The following RYR3 variants were observed in gnomAD, a reference collection of about 807,000 sequenced individuals.
RYR3 encodes the protein ryanodine receptor 3, also known as brain ryanodine receptor-calcium release channel.
RYR3 carries 207 observed loss-of-function variants against 584.3 expected under a neutral mutation model. The ratio of observed to expected loss-of-function variants is 0.35; its 90% CI spans 0.32 to 0.40. The LOEUF (loss-of-function observed/expected upper bound fraction) is 0.40, where lower values mean the gene tolerates loss of function less well. Ranked by LOEUF, RYR3 falls within the 10% of genes least tolerant of loss-of-function variation. The probability of loss-of-function intolerance (pLI) is 1.00; values close to 1 mark genes in which losing one functional copy is unlikely to be tolerated. For missense variants in RYR3, 5,616 were observed against 6,089.2 expected, an observed-to-expected ratio of 0.92 and a Z score of 2.59; for synonymous variants, 2,416 against 2,248.5, an observed-to-expected ratio of 1.07 and a Z score of -2.11.
chr15:33,572,843 G>A (rs1268426918), intron 12 of RYR3, among the ~76,000 whole-genome samples: 1 of 151,932 alleles, frequency 6.6e-6, no homozygotes, highest in African/African-American at 2.4e-5. Context: ...GCATAGTGGC[G>A]CATGCCTGTA....
In RYR3 at chr15:33,854,403, A is replaced by G. The variant is rs1466702657; in HGVS notation, c.13814A>G (p.Asp4605Gly). 4 of 1,574,366 alleles carry G rather than the reference A, an allele frequency of 2.5e-6. No homozygotes were observed. The highest frequency in any genetic ancestry group is 1.2e-5 in the South Asian group (1 of 85,790). ...TTCTTCTCTAGGCTAAGTTCCATAGACATGAAGTACCATATCTGGAAGCTT... is the reference window on the plus strand; with the variant it reads ...TTCTTCTCTAGGCTAAGTTCCATAGGCATGAAGTACCATATCTGGAAGCTT... Reference protein sequence around the residue: ...ASLVSWLSSIDMKYHIWKLGV... With the variant: ...ASLVSWLSSIGMKYHIWKLGV... The change falls in exon 97 of 104, where the codon GAC becomes GGC. Residue 4605 changes from aspartate to glycine, a missense_variant. Physicochemically the swap from Asp to Gly is moderately conservative, Grantham distance 94 (BLOSUM62 -1). Coordinates refer to ENST00000634891, the MANE Select transcript of RYR3 (RefSeq NM_001036.6).
intron 52 of RYR3, among the ~76,000 whole-genome samples, chr15:33,744,195 T>C (rs940749535): frequency 1.3e-5 from 2 of 152,210 alleles, no homozygotes; most frequent in African/African-American, 4.8e-5. Context: ...ATTCCTAGGA[T>C]GGCATTTTTC....
At chr15:33,736,766 T>G (rs778101738) in intron 49 of RYR3, among the ~76,000 whole-genome samples, 1 of 137,040 alleles carries the variant, frequency 7.3e-6, no homozygotes, top group Non-Finnish European at 1.6e-5. Context: ...TTTTTTTAAA[T>G]GAGATGGAGT....
At position 33,823,035 on chromosome 15, in the gene RYR3, T is replaced by G. The variant is rs757434442; in HGVS notation, c.11035T>G (p.Phe3679Val). 3.1e-6 allele frequency: 5 copies of G among 1,613,632 alleles called. No individual in the cohort carries two copies. The East Asian group carries it at 1.1e-4, about 36-fold the overall frequency. ...CCTAAAGGAGAAAAAGGATGCTGGATTCTTTCAAAGCCTTTCTGGTCTTAT... is the reference window on the plus strand; with the variant it reads ...CCTAAAGGAGAAAAAGGATGCTGGAGTCTTTCAAAGCCTTTCTGGTCTTAT... ...DYLKEKKDAG[F>V]FQSLSGLMQS... Residue 3679 changes from phenylalanine to valine, a missense_variant, in exon 81 of 104, where the codon TTC becomes GTC. By Grantham distance (50) the Phe-to-Val change is conservative. This residue lies in a region of RYR3 where 954 missense variants were observed against 1,132.2 expected (regional missense o/e 0.84). Coordinates refer to ENST00000634891, the MANE Select transcript of RYR3 (RefSeq NM_001036.6).
chr15:33,629,791 C>T, intron 21 of RYR3, 149 bp from the exon 22 acceptor site: 1 of 576,424 alleles, frequency 1.7e-6, no homozygotes, highest in Non-Finnish European at 3.1e-6. Context: ...CTAGAGAGAT[C>T]ATCTGTTTGC....
Position 33,697,868 on chromosome 15 carries a change from G to C in RYR3, c.6135-14G>C, listed in dbSNP as rs1288951195. ...TAAGCAGGTGCTGAAGACTCTCTCT[G>C]ATCCTTATCCTAGAGACATAATGAA... On this transcript the variant is annotated splice_polypyrimidine_tract_variant and intron_variant, in intron 39 of 103. Coordinates refer to ENST00000634891, the MANE Select transcript of RYR3 (RefSeq NM_001036.6). The C allele has an allele frequency of 1.3e-6, 2 of 1,547,760 alleles. No homozygotes were observed. Among genetic ancestry groups the C allele is most frequent in the Non-Finnish European group, 1.8e-6 (2 of 1,119,650 alleles).
At chr15:33,529,394 C>A (rs1351751804) in intron 3 of RYR3, among the ~76,000 whole-genome samples, 1 of 152,106 alleles carries the variant, frequency 6.6e-6, no homozygotes, top group Non-Finnish European at 1.5e-5. Flanking sequence ...TAAAATTACT[C>A]CAGGCTTTGT....
intron 53 of RYR3, among the ~76,000 whole-genome samples, chr15:33,746,455 G>A (rs1425608484): frequency 1.3e-5 from 2 of 152,198 alleles, no homozygotes; most frequent in African/African-American, 4.8e-5. Context: ...AACCAGGAAG[G>A]GGTTTGGTTA....
chr15:33,725,817 A>AAAG (rs2068359866), intron 45 of RYR3, among the ~76,000 whole-genome samples: 1 of 146,482 alleles, frequency 6.8e-6, no homozygotes, highest in Non-Finnish European at 1.5e-5. Flanking sequence ...AAAAATACAA[A>AAAG]AAATTAGCCA....
chr15:33,584,798 G>A (rs1449176562), intron 15 of RYR3, among the ~76,000 whole-genome samples: 1 of 115,062 alleles, frequency 8.7e-6, no homozygotes, highest in Non-Finnish European at 1.7e-5. Context: ...CACCCACCCA[G>A]TGATCCTGGT....
chr15:33,459,657 G>A (rs1487728668), intron 1 of RYR3, among the ~76,000 whole-genome samples: 3 of 152,142 alleles, frequency 2.0e-5, no homozygotes, highest in Non-Finnish European at 4.4e-5. Context: ...CACAGTCTGC[G>A]GCTGAAAATG....
In RYR3 at chr15:33,853,694, T is replaced by G; in HGVS notation, c.13799+12T>G. 6.2e-7 allele frequency: 1 copy of G among 1,609,862 alleles called. No homozygotes were observed. The highest frequency in any genetic ancestry group is 1.1e-5 in the South Asian group (1 of 90,736). Reference sequence around the variant, plus strand: ...TCTCTGGTGTCATGGTACAAAAAGCTTAGGAGTTCAAATCCAAAGCAGCTA... The same window carrying G: ...TCTCTGGTGTCATGGTACAAAAAGCGTAGGAGTTCAAATCCAAAGCAGCTA... On this transcript the variant is annotated intron_variant, in intron 96 of 103. Transcript: ENST00000634891.
At chr15:33,314,178 T>C (rs1436785329) in intron 1 of RYR3, among the ~76,000 whole-genome samples, 1 of 152,240 alleles carries the variant, frequency 6.6e-6, no homozygotes, top group Non-Finnish European at 1.5e-5. Flanking sequence ...TCTTCTGGCC[T>C]TCTGAAATCA....
chr15:33,638,355 A>G (rs1446026819), intron 27 of RYR3, among the ~76,000 whole-genome samples: 1 of 152,206 alleles, frequency 6.6e-6, no homozygotes, highest in Non-Finnish European at 1.5e-5. Flanking sequence ...AAAACAGCCT[A>G]GGAGATTCAG....
chr15:33,833,129 G>C (rs2077806357), intron 86 of RYR3, among the ~76,000 whole-genome samples: 1 of 152,164 alleles, frequency 6.6e-6, no homozygotes, highest in Non-Finnish European at 1.5e-5. Flanking sequence ...ATAGGATTAT[G>C]CGTGGCTTTA....
chr15:33,574,858 C>T (rs2058213399), intron 12 of RYR3, among the ~76,000 whole-genome samples: 2 of 152,116 alleles, frequency 1.3e-5, no homozygotes, highest in Non-Finnish European at 2.9e-5. Context: ...AGTCAAGACC[C>T]ATTCATGTGC....
chr15:33,385,710 C>CTT (rs10682215), intron 1 of RYR3, among the ~76,000 whole-genome samples: 1,514 of 131,322 alleles, frequency 0.012, 41 homozygotes, highest in Middle Eastern at 0.05. Flanking sequence ...TTTTTCTTTT[C>CTT]TTTTTTTTTT....
intron 1 of RYR3, among the ~76,000 whole-genome samples, chr15:33,462,407 G>A (rs538397236): frequency 6.6e-6 from 1 of 152,272 alleles, no homozygotes; most frequent in African/African-American, 2.4e-5. Context: ...CACCCTGTAT[G>A]AGGCGCTACA....
At chr15:33,865,048 G>T in intron 103 of RYR3, 83 bp from the exon 104 acceptor site, 1 of 983,600 alleles carries the variant, frequency 1.0e-6, no homozygotes, top group Non-Finnish European at 1.6e-6. Context: ...CTTCCTAAAG[G>T]GAGCCACAAA....
Sources: gnomAD v4.1 joint callset for allele counts (sites outside exome capture counted in the v4.1 genomes callset) on GRCh38, gnomAD v4.1.1 for gene constraint, gnomAD v4.1.1 regional missense constraint, MANE v1.5 for transcripts, NCBI Gene and HGNC (gene_info 2026-07-23, HGNC 2026-07-21) for gene names.